The following SMARCD3 variants were observed in gnomAD, a reference collection of about 807,000 sequenced individuals.
The protein encoded by SMARCD3 is SWI/SNF related BAF chromatin remodeling complex subunit D3.
SMARCD3 carries 14 observed loss-of-function variants against 58.0 expected under a neutral mutation model. The ratio of observed to expected loss-of-function variants is 0.24; its 90% CI spans 0.16 to 0.38. SMARCD3 has a LOEUF of 0.38. Among genes scored for constraint, SMARCD3 ranks in the 10% least tolerant of loss-of-function variants. The pLI is 1.00. For missense variants in SMARCD3, 408 were observed against 636.9 expected (o/e 0.64, Z 3.87); for synonymous variants, 253 against 253.8 (o/e 1.00, Z 0.03).
In SMARCD3 at chr7:151,245,618, G is replaced by A; in HGVS notation, c.132C>T (p.Gly44=). The A allele has an allele frequency of 8.5e-7, 1 of 1,180,720 alleles. No homozygotes were observed. Among genetic ancestry groups the A allele is most frequent in the Non-Finnish European group, 1.1e-6 (1 of 941,954 alleles). The allele number at this position is 1,180,720 out of a possible 1,614,324, so 73.1% of individuals were successfully genotyped here. The change falls in exon 2 of 13, where the codon GGC becomes GGT. Residue 44 remains glycine (G), a synonymous_variant. Coordinates refer to ENST00000262188, the MANE Select transcript of SMARCD3 (RefSeq NM_001003801.2). This position sits in a 1 kb window ranked among gnomAD's most constrained non-coding sequence, Gnocchi z 6.2. ...ARMPHQGAPM[G]PPGSPYMGSP... ...TGCCCATGTACGGGGAGCCCGGGGG[G>A]CCCATGGGCGCCCCCTGGTGGGGCA...
upstream of SMARCD3, chr7:151,276,779 G>C (rs1235813233): frequency 1.5e-5 from 2 of 132,146 alleles, no homozygotes; most frequent in Non-Finnish European, 3.3e-5. Flanking sequence ...GAAGTGCCAG[G>C]TGAGGAGAAG....
Position 151,243,680 on chromosome 7 carries a change from A to G in SMARCD3, c.312T>C (p.Ala104=), listed in dbSNP as rs749900311. 1 of 1,611,232 alleles carries G rather than the reference A, an allele frequency of 6.2e-7. No homozygotes were observed. Among genetic ancestry groups the G allele is most frequent in the South Asian group, 1.1e-5 (1 of 91,038 alleles). The stretch of plus-strand genomic sequence containing the variant: ...TCACCCTTTGAGGGAGGATTTTGTC[A>G]GCCATCTTCCTCCTCTTGGCACTGT... ...RSRSAKRRKM[A]DKILPQRIRE... Residue 104 remains alanine, a synonymous_variant, in exon 3 of 13, where the codon GCT becomes GCC. Transcript: ENST00000262188. This position sits in a 1 kb window ranked among gnomAD's most constrained non-coding sequence, Gnocchi z 4.4.
Position 151,239,537 on chromosome 7 carries a change from C to T in SMARCD3, c.1297-40G>A. On this transcript the variant is annotated intron_variant, in intron 11 of 12. Transcript: ENST00000262188. This position sits in a 1 kb window ranked among gnomAD's most constrained non-coding sequence, Gnocchi z 7.0. Reference sequence around the variant, plus strand: ...GGGGTGAGCCCTGAGCCCTGAATCCCCTCACCTGCCCCTGGAGTACAACGT... The same window carrying T: ...GGGGTGAGCCCTGAGCCCTGAATCCTCTCACCTGCCCCTGGAGTACAACGT... 4 of 1,608,702 alleles carry T rather than the reference C, an allele frequency of 2.5e-6. No homozygotes were observed. Among genetic ancestry groups the T allele is most frequent in the Non-Finnish European group, 3.4e-6 (4 of 1,175,448 alleles).
intron 2 of SMARCD3, among the ~76,000 whole-genome samples, chr7:151,267,528 A>G (rs1470392626): frequency 6.6e-6 from 1 of 152,214 alleles, no homozygotes; most frequent in Admixed American, 6.5e-5. Context: ...GGGATTCTAC[A>G]ACAGCCCCTG....
intron 2 of SMARCD3, among the ~76,000 whole-genome samples, chr7:151,264,578 C>T (rs565762160): frequency 1.2e-3 from 187 of 152,268 alleles, no homozygotes; most frequent in African/African-American, 4.1e-3. Context: ...GTGGGAGTTC[C>T]TCTGGAGGAC....
intron 2 of SMARCD3, among the ~76,000 whole-genome samples, chr7:151,263,214 T>C (rs1404755694): frequency 6.6e-6 from 1 of 151,668 alleles, no homozygotes; most frequent in East Asian, 1.9e-4. Flanking sequence ...GCAGACTTGA[T>C]GGGAAGAAGT....
intron 2 of SMARCD3, among the ~76,000 whole-genome samples, chr7:151,259,564 C>T (rs986264451): frequency 1.5e-4 from 22 of 145,136 alleles, no homozygotes; most frequent in Non-Finnish European, 2.2e-4. Flanking sequence ...ATCTTCAGCA[C>T]GGATTTCCAA....
In SMARCD3 at chr7:151,264,050, A is replaced by G. The variant is rs974940680; in HGVS notation, c.39+11064T>C. ...ACTGGGTCTGAAGGTCAGGTTCCTG[A>G]AGACAGGATTTTTTTTTTTTTTTTT... On this transcript the variant is annotated intron_variant, in intron 2 of 13. Transcript: ENST00000356800. 9.6e-5 allele frequency among the ~76,000 whole-genome samples: 14 copies of G among 146,566 alleles called. No homozygotes were observed. The South Asian group carries it at 2.8e-3, about 29-fold the overall frequency.
chr7:151,250,907 G>A (rs1044005875), upstream of SMARCD3, among the ~76,000 whole-genome samples: 6 of 152,134 alleles, frequency 3.9e-5, no homozygotes, highest in Admixed American at 2.6e-4. Context: ...GATGGTGTGA[G>A]TTACCATGGG....
chr7:151,272,341 T>A lies in SMARCD3; in HGVS notation c.39+2773A>T, dbSNP rs2150618236. ...AGTAGCCACATCCTAGGCAACACCA[T>A]GTTTTCTCTACTCTATCTCTGTCTC... is the stretch of plus-strand genomic sequence containing the variant. On this transcript the variant is annotated intron_variant, in intron 2 of 13. Coordinates refer to the SMARCD3 transcript ENST00000356800. 2.0e-5 allele frequency among the ~76,000 whole-genome samples: 3 copies of A among 152,270 alleles called. No individual in the cohort carries two copies. The South Asian group carries it at 6.2e-4, about 32-fold the overall frequency.
chr7:151,247,775 G>T (rs894777621), intron 1 of SMARCD3, among the ~76,000 whole-genome samples: 1 of 151,934 alleles, frequency 6.6e-6, no homozygotes, highest in African/African-American at 2.4e-5. Context: ...CCTGCCTGTG[G>T]CAGGACAGTG....
chr7:151,256,119 C>A (rs73169678), intron 2 of SMARCD3, among the ~76,000 whole-genome samples: 13,689 of 151,730 alleles, frequency 0.09, 678 homozygotes, highest in Non-Finnish European at 0.11. Context: ...TGACCTCAGA[C>A]AATCTGCCTG....
chr7:151,267,406 AG>A (rs1795026500), intron 2 of SMARCD3, among the ~76,000 whole-genome samples: 1 of 152,228 alleles, frequency 6.6e-6, no homozygotes, highest in South Asian at 2.1e-4. Context: ...TCTGATCATA[AG>A]GTCCGTGTTC....
chr7:151,242,121 G>A lies in SMARCD3; in HGVS notation c.675+16C>T, dbSNP rs185924833. ...GGAGGGTGGCAATTCAAGGGCGGAG[G>A]GGCTCTTGGTCTTACCTCAACGAGG... On this transcript the variant is annotated intron_variant, in intron 6 of 12. Transcript: ENST00000262188. This position sits in a 1 kb window ranked among gnomAD's most constrained non-coding sequence, Gnocchi z 4.7. 8 of 1,594,572 alleles carry A rather than the reference G, an allele frequency of 5.0e-6. No individual in the cohort carries two copies. The highest frequency in any genetic ancestry group is 6.0e-6 in the Non-Finnish European group (7 of 1,162,196).
At chr7:151,240,784 G>T in intron 8 of SMARCD3, 1 of 478,422 alleles carries the variant, frequency 2.1e-6, no homozygotes, top group Non-Finnish European at 3.8e-6. Flanking sequence ...TCCTGCCTCT[G>T]CCACTTACTA....
chr7:151,241,919 G>A lies in SMARCD3; in HGVS notation c.735C>T (p.Asp245=). 6.2e-7 allele frequency: 1 copy of A among 1,612,972 alleles called. No individual in the cohort carries two copies. Among genetic ancestry groups the A allele is most frequent in the Non-Finnish European group, 8.5e-7 (1 of 1,179,576 alleles). ...TDGFQVKRPG[D]LSVRCTLLLM... ...GGAGCAGCGTGCAGCGCACACTCAGGTCCCCAGGCCGTTTCACCTGGAAGC... is the reference window on the plus strand; with the variant it reads ...GGAGCAGCGTGCAGCGCACACTCAGATCCCCAGGCCGTTTCACCTGGAAGC... Residue 245 remains aspartate (D), a synonymous_variant, in exon 7 of 13, where the codon GAC becomes GAT. Coordinates refer to ENST00000262188, the MANE Select transcript of SMARCD3 (RefSeq NM_001003801.2). The surrounding 1 kb of genome is among the most constrained non-coding windows in gnomAD (Gnocchi z 5.3).
intron 2 of SMARCD3, among the ~76,000 whole-genome samples, chr7:151,265,623 G>C (rs190621664): frequency 1.3e-5 from 2 of 152,218 alleles, no homozygotes; most frequent in African/African-American, 4.8e-5. Context: ...CCCGATGAAA[G>C]CAAGGCCTCC....
Position 151,243,797 on chromosome 7 carries a change from T to C in SMARCD3, c.291-96A>G. 5.6e-6 allele frequency: 5 copies of C among 895,410 alleles called. No homozygotes were observed. The South Asian group carries it at 6.6e-5, about 12-fold the overall frequency. 55.5% of individuals were successfully genotyped at this position (895,410 alleles called of 1,614,324 possible). ...GATTATCCCGACATCTCCGCCCGCCTGGCTGGGGTTCCCACAGCCCACTTG... is the reference window on the plus strand; with the variant it reads ...GATTATCCCGACATCTCCGCCCGCCCGGCTGGGGTTCCCACAGCCCACTTG... On this transcript the variant is annotated intron_variant, in intron 2 of 12. Transcript: ENST00000262188. The surrounding 1 kb of genome is among the most constrained non-coding windows in gnomAD (Gnocchi z 4.4).
At position 151,246,863 on chromosome 7, in the gene SMARCD3, AG is replaced by A. The variant is rs1803292058; in HGVS notation, c.79-1193del. ...GGGGACTGGGACCACGAAAGCAGGA[AG>A]AAGATCAGAGGGCAGGGGATGCAGA... On this transcript the variant is annotated intron_variant, in intron 1 of 12. Transcript: ENST00000262188. This position sits in a 1 kb window ranked among gnomAD's most constrained non-coding sequence, Gnocchi z 4.4. Among the ~76,000 whole-genome samples the A allele has an allele frequency of 6.6e-6, 1 of 152,098 alleles. No homozygotes were observed. The highest frequency in any genetic ancestry group is 1.9e-4 in the East Asian group (1 of 5,178).
Sources: allele counts gnomAD v4.1 joint callset (sites outside exome capture counted in the v4.1 genomes callset), GRCh38; gene constraint gnomAD v4.1.1; non-coding constraint Gnocchi (gnomAD v3.1); transcripts MANE v1.5; gene names NCBI Gene and HGNC (gene_info 2026-07-23, HGNC 2026-07-21).